The following RAD51 variants were observed in gnomAD, a reference collection of about 807,000 sequenced individuals.
The protein encoded by RAD51 is DNA repair protein RAD51 homolog 1.
Under a neutral mutation model 41.5 loss-of-function variants are expected in RAD51, and 14 were observed. The observed-to-expected ratio is 0.34, with a 90% confidence interval of 0.22 to 0.53. RAD51 has a LOEUF of 0.53. Ranked by LOEUF, RAD51 falls within the 20% of genes least tolerant of loss-of-function variation. RAD51 has a pLI of 0.95. For synonymous variants in RAD51, 136 were observed against 148.6 expected, an observed-to-expected ratio of 0.92 and a Z score of 0.62; for missense variants, 234 against 422.0, an observed-to-expected ratio of 0.55 and a Z score of 3.90.
chr15:40,720,283 C>T (rs946649242), intron 6 of RAD51, among the ~76,000 whole-genome samples: 2 of 151,918 alleles, frequency 1.3e-5, no homozygotes, highest in African/African-American at 4.8e-5. Context: ...AGGGTTTCTC[C>T]ATGTTGGCCA....
chr15:40,722,524 T>A (rs1298409157), intron 6 of RAD51, among the ~76,000 whole-genome samples: 1 of 150,042 alleles, frequency 6.7e-6, no homozygotes, highest in Non-Finnish European at 1.5e-5. Flanking sequence ...GTAGGGAGAC[T>A]GGGGAGTTGT....
At chr15:40,730,079 A>T in intron 9 of RAD51, 105 bp downstream of exon 9, 1 of 1,453,606 alleles carries the variant, frequency 6.9e-7, no homozygotes, top group Middle Eastern at 1.8e-4. Flanking sequence ...CTACTGTTGT[A>T]TAGACACTTA....
At chr15:40,695,651 G>A (rs1403201799) in intron 1 of RAD51, 1 of 152,242 alleles carries the variant, frequency 6.6e-6, no homozygotes, top group African/African-American at 2.4e-5. Flanking sequence ...AGCCTTTATA[G>A]GCAACACCTA....
At chr15:40,703,519 G>C (rs1399243343) in intron 3 of RAD51, among the ~76,000 whole-genome samples, 1 of 151,862 alleles carries the variant, frequency 6.6e-6, no homozygotes, top group Non-Finnish European at 1.5e-5. Flanking sequence ...ACTTTCTATG[G>C]GTCTATTTAG....
At chr15:40,701,859 C>T (rs1306747872) in intron 3 of RAD51, 2 of 365,872 alleles carry the variant, frequency 5.5e-6, no homozygotes, top group Non-Finnish European at 1.1e-5. Context: ...TCTTGGTCTA[C>T]TGCACCCTCC....
chr15:40,722,946 C>G (rs983735723), intron 6 of RAD51, among the ~76,000 whole-genome samples: 14 of 152,048 alleles, frequency 9.2e-5, no homozygotes, highest in African/African-American at 3.4e-4. Context: ...AAAATATTTG[C>G]AAATTACGTA....
intron 5 of RAD51, among the ~76,000 whole-genome samples, chr15:40,714,791 C>T (rs1228788280): frequency 6.6e-6 from 1 of 152,208 alleles, no homozygotes; most frequent in African/African-American, 2.4e-5. Flanking sequence ...TATGTTAGGT[C>T]TCTCTCTAAT....
chr15:40,716,414 T>C lies in RAD51; in HGVS notation c.436-2391T>C, dbSNP rs561517876. 5.3e-5 allele frequency among the ~76,000 whole-genome samples: 8 copies of C among 152,066 alleles called. No individual in the cohort carries two copies. The South Asian group carries it at 1.5e-3, about 28-fold the overall frequency. On this transcript the variant is annotated intron_variant, in intron 5 of 9. Coordinates refer to ENST00000267868, the MANE Select transcript of RAD51 (RefSeq NM_002875.5). ...CAAAGTCTCACTCTGTCACCCAAAC[T>C]GGAGTGCAGTGGCATGATATCGCTC...
rs57006094 is a variant in RAD51 at position 40,718,516 on chromosome 15, GAAAA to G, written c.436-278_436-275del. Among the ~76,000 whole-genome samples, 42 of 138,214 alleles carry G rather than the reference GAAAA, an allele frequency of 3.0e-4. No individual in the cohort carries two copies. In the South Asian group the frequency reaches 8.9e-3, roughly 29 times the overall value. The allele number at this position is 138,214 out of a possible 152,430, so 90.7% of individuals were successfully genotyped here. A position where few individuals can be genotyped will look rare whatever the true frequency, so the allele number is the denominator to read the frequency against. On this transcript the variant is annotated intron_variant, in intron 5 of 9. Transcript: ENST00000267868. ...CTGGGCAACAGTGAGACTATCGCAA[GAAAA>G]AAAAAAAAAAGAAGAAAAGAATTTT...
chr15:40,697,726 AT>A (rs1171593035), intron 1 of RAD51, among the ~76,000 whole-genome samples: 2 of 150,756 alleles, frequency 1.3e-5, no homozygotes, highest in African/African-American at 2.4e-5. Flanking sequence ...AATTTTTTGT[AT>A]TTTTTAGTAG....
At chr15:40,697,293 A>G (rs1234124965) in intron 1 of RAD51, among the ~76,000 whole-genome samples, 1 of 152,014 alleles carries the variant, frequency 6.6e-6, no homozygotes, top group Non-Finnish European at 1.5e-5. Context: ...TAATAGAGAC[A>G]GGATTTCTCC....
intron 3 of RAD51, among the ~76,000 whole-genome samples, 199 bp downstream of exon 3, chr15:40,701,400 G>T (rs1468140021): frequency 1.6e-5 from 2 of 123,070 alleles, no homozygotes; most frequent in Admixed American, 1.0e-4. Context: ...TTGGAGACGG[G>T]TTCTCGCTCT....
intron 6 of RAD51, among the ~76,000 whole-genome samples, chr15:40,722,529 A>G (rs1226848283): frequency 6.6e-6 from 1 of 151,636 alleles, no homozygotes; most frequent in Non-Finnish European, 1.5e-5. Context: ...GAGACTGGGG[A>G]GTTGTTGTTT....
In RAD51 at chr15:40,729,626, G is replaced by A. The variant is rs374507935; in HGVS notation, c.766G>A (p.Ala256Thr). ...GTTTCTGCGGATGCTTCTGCGACTC[G>A]CTGATGAGGTAAGTTGTGGGATAGG... Reference protein sequence around the residue: ...ARFLRMLLRLADEFGVAVVIT... With the variant: ...ARFLRMLLRLTDEFGVAVVIT... The change falls in exon 8 of 10, where the codon GCT (alanine) becomes ACT (threonine). Residue 256 changes from alanine (A) to threonine (T), a missense_variant. Ala to Thr is a moderately conservative substitution (Grantham distance 58, BLOSUM62 0). Coordinates refer to ENST00000267868, the MANE Select transcript of RAD51 (RefSeq NM_002875.5). The A allele has an allele frequency of 8.1e-6, 13 of 1,613,728 alleles. No homozygotes were observed. Among genetic ancestry groups the A allele is most frequent in the Admixed American group, 1.7e-5 (1 of 59,992 alleles).
In RAD51 at chr15:40,702,849, A is replaced by C. The variant is rs45588237; in HGVS notation, c.225+1648A>C. On this transcript the variant is annotated intron_variant, in intron 3 of 9. Transcript: ENST00000267868. ...TTTTTTTTTAAAGAAAAAAAAGAAAAGTCTCACTCTGTTGCCCAGGCTGGA... is the reference window on the plus strand; with the variant it reads ...TTTTTTTTTAAAGAAAAAAAAGAAACGTCTCACTCTGTTGCCCAGGCTGGA... Among the ~76,000 whole-genome samples, 422 of 150,912 alleles carry C rather than the reference A, an allele frequency of 2.8e-3. 2 individuals are homozygous for C. Among genetic ancestry groups the C allele is most frequent in the Non-Finnish European group, 4.9e-3 (330 of 67,744 alleles).
intron 9 of RAD51, among the ~76,000 whole-genome samples, chr15:40,730,592 GCTCACTGCAAGCTCCGCCTCCCGGGTTCA>G (rs1896830580): frequency 2.8e-5 from 4 of 144,004 alleles, no homozygotes. Context: ...CACGATCTCG[GCTCACTGCAAGCTCCGCCTCCCGGGTTCA>G]CACCATTCTC....
At chr15:40,724,364 A>G (rs1418290106) in intron 6 of RAD51, among the ~76,000 whole-genome samples, 1 of 152,168 alleles carries the variant, frequency 6.6e-6, no homozygotes, top group African/African-American at 2.4e-5. Flanking sequence ...TGTAACATAA[A>G]TAAGTATTCA....
rs529070737 is a variant in RAD51 at position 40,703,328 on chromosome 15, A to C, written c.225+2127A>C. On this transcript the variant is annotated intron_variant, in intron 3 of 9. Transcript: ENST00000267868. ...TGGCCTCAGGTAATCCGCCCATCTC[A>C]GTATCCCAAAGTGCTGGGATTACAG... Among the ~76,000 whole-genome samples, 21 of 152,290 alleles carry C rather than the reference A, an allele frequency of 1.4e-4. No homozygotes were observed. The South Asian group carries it at 4.1e-3, about 30-fold the overall frequency.
chr15:40,724,506 T>G (rs923409308), intron 6 of RAD51, among the ~76,000 whole-genome samples: 2 of 151,904 alleles, frequency 1.3e-5, no homozygotes, highest in Non-Finnish European at 2.9e-5. Context: ...CAAAAAATTT[T>G]TTGTTGTTTG....
Sources: allele counts gnomAD v4.1 joint callset (sites outside exome capture counted in the v4.1 genomes callset), GRCh38; gene constraint gnomAD v4.1.1; transcripts MANE v1.5; gene names NCBI Gene and HGNC (gene_info 2026-07-23, HGNC 2026-07-21).